Variants in RALGAPA1 observed in about 807,000 individuals in gnomAD.
RALGAPA1 encodes Ral GTPase activating protein catalytic subunit alpha 1.
Under a neutral mutation model 269.6 loss-of-function variants are expected in RALGAPA1, and 52 were observed. The ratio of observed to expected loss-of-function variants is 0.19; its 90% CI spans 0.15 to 0.24. RALGAPA1 has a LOEUF of 0.24. RALGAPA1 is among the 10% of genes least tolerant of loss of function. The pLI, the probability that RALGAPA1 is intolerant of heterozygous loss-of-function variation, is 1.00. For missense variants in RALGAPA1, 1,917 were observed against 3,013.9 expected (o/e 0.64, Z 8.52); for synonymous variants, 817 against 1,008.3 (o/e 0.81, Z 3.60).
intron 6 of RALGAPA1, among the ~76,000 whole-genome samples, chr14:35,759,070 G>A (rs537920216): frequency 2.0e-5 from 3 of 152,242 alleles, no homozygotes; most frequent in Admixed American, 6.5e-5. Flanking sequence ...TACAGCATAG[G>A]CAACAAAGCA....
At chr14:35,556,704 G>A (rs1202516443) in intron 39 of RALGAPA1, among the ~76,000 whole-genome samples, 1 of 152,154 alleles carries the variant, frequency 6.6e-6, no homozygotes, top group Non-Finnish European at 1.5e-5. Context: ...ATATTGCCAA[G>A]TCTATATTGT....
At chr14:35,711,306 C>T (rs2068314495) in intron 16 of RALGAPA1, among the ~76,000 whole-genome samples, 1 of 152,144 alleles carries the variant, frequency 6.6e-6, no homozygotes, top group African/African-American at 2.4e-5. Flanking sequence ...TTATATTCCA[C>T]TCTTTACTGC....
intron 35 of RALGAPA1, among the ~76,000 whole-genome samples, chr14:35,622,671 A>T (rs1035634047): frequency 6.6e-6 from 1 of 152,270 alleles, no homozygotes; most frequent in East Asian, 1.9e-4. Context: ...GGTATAGTTT[A>T]TTCAACAAAT....
chr14:35,598,937 G>A (rs1478568611), intron 36 of RALGAPA1, among the ~76,000 whole-genome samples: 1 of 152,062 alleles, frequency 6.6e-6, no homozygotes, highest in East Asian at 1.9e-4. Context: ...TGGCTAACTT[G>A]AACATTTTCT....
chr14:35,738,216 G>T (rs1164660529), intron 12 of RALGAPA1, among the ~76,000 whole-genome samples: 1 of 151,764 alleles, frequency 6.6e-6, no homozygotes, highest in Non-Finnish European at 1.5e-5. Context: ...TAGTTAAAAT[G>T]AATTATGGCT....
At chr14:35,557,132 G>C (rs3985304) in intron 39 of RALGAPA1, among the ~76,000 whole-genome samples, 1 of 128,864 alleles carries the variant, frequency 7.8e-6, no homozygotes, top group African/African-American at 3.7e-5. Context: ...GTGTGTGTGT[G>C]TGTGTATATA....
intron 35 of RALGAPA1, among the ~76,000 whole-genome samples, chr14:35,621,712 C>T (rs1031151671): frequency 6.6e-6 from 1 of 152,162 alleles, no homozygotes; most frequent in African/African-American, 2.4e-5. Context: ...AGGATATGAA[C>T]AGACACTTCT....
intron 16 of RALGAPA1, among the ~76,000 whole-genome samples, chr14:35,720,636 C>T (rs2069314415): frequency 6.6e-6 from 1 of 152,124 alleles, no homozygotes; most frequent in Admixed American, 6.5e-5. Context: ...ACTTAAAAAG[C>T]CTAGAAAAGG....
rs1288472579 is a variant in RALGAPA1 at position 35,689,641 on chromosome 14, C to T, written c.2770G>A (p.Ala924Thr). The T allele has an allele frequency of 2.0e-5, 25 of 1,266,846 alleles. No homozygotes were observed. Among genetic ancestry groups the T allele is most frequent in the South Asian group, 3.3e-5 (1 of 30,034 alleles). 78.5% of individuals were successfully genotyped at this position (1,266,846 alleles called of 1,614,324 possible). A position where few individuals can be genotyped will look rare whatever the true frequency, so the allele number is the denominator to read the frequency against. Residue 924 changes from alanine to threonine, a missense_variant, in exon 18 of 42, where the codon GCT becomes ACT. Physicochemically the swap from Ala to Thr is moderately conservative, Grantham distance 58. Around this residue, in one of 11 missense-constraint regions of RALGAPA1, gnomAD observed 615 missense variants for 790.0 expected, o/e 0.78. Transcript: ENST00000680220. ...LIGPVELADS[A>T]FEQIQYIDLE... The stretch of plus-strand genomic sequence containing the variant: ...TCAATGTACTGGATTTGTTCAAAAG[C>T]TGAATCTGCAAGTTCTACTGGACCT...
At chr14:35,704,227 C>T (rs1421498105) in intron 16 of RALGAPA1, among the ~76,000 whole-genome samples, 1 of 152,084 alleles carries the variant, frequency 6.6e-6, no homozygotes, top group East Asian at 1.9e-4. Flanking sequence ...AACACCAGGT[C>T]CTAAATCATA....
intron 26 of RALGAPA1, among the ~76,000 whole-genome samples, chr14:35,665,794 T>A (rs2063880803): frequency 6.6e-6 from 1 of 151,490 alleles, no homozygotes; most frequent in Non-Finnish European, 1.5e-5. Flanking sequence ...TAGCTGAGAG[T>A]TTTTCTGTAT....
chr14:35,684,090 C>G, intron 20 of RALGAPA1, 105 bp from the exon 21 acceptor site: 1 of 814,580 alleles, frequency 1.2e-6, no homozygotes, highest in Non-Finnish European at 1.9e-6. Context: ...CCCCGTACAT[C>G]TATTCTGTTT....
chr14:35,616,144 T>C (rs1027140136), intron 35 of RALGAPA1, among the ~76,000 whole-genome samples: 5 of 151,936 alleles, frequency 3.3e-5, no homozygotes, highest in African/African-American at 1.2e-4. Context: ...AGGGAAATGG[T>C]CAAATTTGGG....
intron 16 of RALGAPA1, among the ~76,000 whole-genome samples, chr14:35,717,095 A>G (rs959533485): frequency 3.9e-5 from 6 of 152,226 alleles, no homozygotes; most frequent in Non-Finnish European, 8.8e-5. Context: ...CTACAGACTT[A>G]ACCTATAGAT....
intron 4 of RALGAPA1, among the ~76,000 whole-genome samples, chr14:35,763,867 G>C (rs2073929337): frequency 6.6e-6 from 1 of 151,852 alleles, no homozygotes; most frequent in Non-Finnish European, 1.5e-5. Context: ...CAAAGTAGTT[G>C]TAACAATTAA....
At chr14:35,696,729 GT>G (rs1567028622) in intron 17 of RALGAPA1, among the ~76,000 whole-genome samples, 2 of 151,888 alleles carry the variant, frequency 1.3e-5, no homozygotes, top group African/African-American at 4.8e-5. Flanking sequence ...TCTATGAGTC[GT>G]TTCATTGAGG....
rs1022653557 is a variant in RALGAPA1 at position 35,685,284 on chromosome 14, A to G, written c.4078-139T>C. On this transcript the variant is annotated intron_variant, in intron 19 of 41. Coordinates refer to ENST00000680220, the MANE Select transcript of RALGAPA1 (RefSeq NM_001346249.2). ...TAGGAGTGGAGAACACACTCACCAA[A>G]CAATCTATGTAACTGAATGGAGCTA... 5 of 746,584 alleles carry G rather than the reference A, an allele frequency of 6.7e-6. No individual in the cohort carries two copies. The African/African-American group carries it at 8.9e-5, about 13-fold the overall frequency. 46.2% of individuals were successfully genotyped at this position (746,584 alleles called of 1,614,324 possible).
chr14:35,603,150 T>G (rs2059396417), intron 36 of RALGAPA1, among the ~76,000 whole-genome samples: 2 of 152,298 alleles, frequency 1.3e-5, no homozygotes, highest in Middle Eastern at 3.4e-3. Flanking sequence ...TTTTCCTAAG[T>G]TCTGCCCCAG....
At chr14:35,715,660 G>C in intron 16 of RALGAPA1, 1 of 918,360 alleles carries the variant, frequency 1.1e-6, no homozygotes, top group South Asian at 5.0e-5. Context: ...AATTACTCCA[G>C]AGGTAATTTG....
Sources: gnomAD v4.1 joint callset for allele counts (sites outside exome capture counted in the v4.1 genomes callset) on GRCh38, gnomAD v4.1.1 for gene constraint, gnomAD v4.1.1 regional missense constraint, MANE v1.5 for transcripts, NCBI Gene and HGNC (gene_info 2026-07-23, HGNC 2026-07-21) for gene names.